Variants in NLGN4X observed in about 807,000 individuals in gnomAD.
NLGN4X encodes neuroligin-4, X-linked.
Under a neutral mutation model 40.3 loss-of-function variants are expected in NLGN4X, and 3 were observed. The observed-to-expected ratio is 0.07, with a 90% confidence interval of 0.03 to 0.19. The LOEUF is 0.19. Ranked by LOEUF, NLGN4X falls within the 10% of genes least tolerant of loss-of-function variation. The pLI is 1.00. For missense variants in NLGN4X, 382 were observed against 708.3 expected (o/e 0.54, Z 5.23); for synonymous variants, 270 against 306.8 (o/e 0.88, Z 1.25).
intron 2 of NLGN4X, among the ~76,000 whole-genome samples, chrX:6,148,136 C>T (rs973185116): frequency 8.9e-6 from 1 of 112,332 alleles, no homozygotes; most frequent in Non-Finnish European, 1.9e-5. Context: ...AGGATAAGTA[C>T]GTATCTAAAA....
intron 1 of NLGN4X, among the ~76,000 whole-genome samples, chrX:6,173,061 C>G (rs1316622084): frequency 8.9e-6 from 1 of 112,250 alleles, no homozygotes; most frequent in Non-Finnish European, 1.9e-5. Flanking sequence ...AGGACAGATA[C>G]GGAGTCTGGG....
At chrX:6,021,001 T>TC in intron 3 of NLGN4X, among the ~76,000 whole-genome samples, 1 of 43,505 alleles carries the variant, frequency 2.3e-5, no homozygotes, top group Non-Finnish European at 4.2e-5. Flanking sequence ...CCTTCCTTCT[T>TC]TTCTCTCTCT....
At position 6,088,444 on chromosome X, in the gene NLGN4X, A is replaced by G. The variant is rs747271633; in HGVS notation, c.473-59012T>C. On this transcript the variant is annotated intron_variant, in intron 2 of 5. Coordinates refer to ENST00000381095, the MANE Select transcript of NLGN4X (RefSeq NM_181332.3). The stretch of plus-strand genomic sequence containing the variant: ...CTCTGGAGAGCTTGTTCTTCTCCGC[A>G]TTTATTCAGTAACAGCAGTTTGTAA... 1.3e-4 allele frequency among the ~76,000 whole-genome samples: 14 copies of G among 111,992 alleles called. No homozygotes were observed. The East Asian group carries it at 3.4e-3, about 27-fold the overall frequency.
At chrX:5,908,528 A>G (rs1349060702) in intron 4 of NLGN4X, among the ~76,000 whole-genome samples, 1 of 111,843 alleles carries the variant, frequency 8.9e-6, no homozygotes, top group Non-Finnish European at 1.9e-5. Context: ...ATGGCAAAAA[A>G]AAACAAAAGT....
intron 3 of NLGN4X, among the ~76,000 whole-genome samples, chrX:5,932,963 GCC>G (rs2033604478): frequency 9.0e-6 from 1 of 111,197 alleles, no homozygotes; most frequent in Non-Finnish European, 1.9e-5. Context: ...AATTCTAATA[GCC>G]TTCAGAGAGA....
At chrX:5,998,523 G>A (rs914672390) in intron 3 of NLGN4X, among the ~76,000 whole-genome samples, 4 of 111,616 alleles carry the variant, frequency 3.6e-5, no homozygotes, top group Non-Finnish European at 7.5e-5. Flanking sequence ...AGCACCATGT[G>A]TATGAAACAC....
chrX:6,119,019 C>T (rs962304352), intron 2 of NLGN4X, among the ~76,000 whole-genome samples: 3 of 112,118 alleles, frequency 2.7e-5, no homozygotes, highest in South Asian at 7.4e-4. Flanking sequence ...GGGTCCATTC[C>T]TATTATTCCT....
At chrX:6,227,396 C>T (rs1015298128) in intron 1 of NLGN4X, among the ~76,000 whole-genome samples, 1 of 109,193 alleles carries the variant, frequency 9.2e-6, no homozygotes, top group Non-Finnish European at 1.9e-5. Flanking sequence ...GGCTCCAGAT[C>T]CCCCGAGACC....
intron 3 of NLGN4X, among the ~76,000 whole-genome samples, chrX:5,927,981 A>G (rs1175225522): frequency 8.9e-6 from 1 of 111,995 alleles, no homozygotes; most frequent in African/African-American, 3.2e-5. Flanking sequence ...TTTGGGGCTC[A>G]CTGATTAGTG....
intron 3 of NLGN4X, among the ~76,000 whole-genome samples, chrX:5,959,501 G>C (rs980601472): frequency 2.7e-5 from 3 of 112,136 alleles, no homozygotes; most frequent in Admixed American, 9.5e-5. Flanking sequence ...ACAAAAGGCT[G>C]TGTGGATTGA....
chrX:6,174,594 T>C (rs2040681566), intron 1 of NLGN4X, among the ~76,000 whole-genome samples: 1 of 112,278 alleles, frequency 8.9e-6, no homozygotes, highest in Non-Finnish European at 1.9e-5. Flanking sequence ...ACATATGCAC[T>C]GTGGAATACT....
At chrX:6,104,325 A>C (rs2038987690) in intron 2 of NLGN4X, among the ~76,000 whole-genome samples, 1 of 112,174 alleles carries the variant, frequency 8.9e-6, no homozygotes, top group South Asian at 3.7e-4. Flanking sequence ...TTGCTTCATA[A>C]TCTTCCCAAG....
At chrX:6,056,368 C>T (rs750144003) in intron 2 of NLGN4X, among the ~76,000 whole-genome samples, 123 of 109,726 alleles carry the variant, frequency 1.1e-3, no homozygotes, top group African/African-American at 4.0e-3. Flanking sequence ...CCCAGCTACT[C>T]GGAAGGCTGA....
At chrX:6,134,340 G>A (rs2039763321) in intron 2 of NLGN4X, among the ~76,000 whole-genome samples, 1 of 111,733 alleles carries the variant, frequency 8.9e-6, no homozygotes, top group Non-Finnish European at 1.9e-5. Context: ...GTGCTCCTCT[G>A]TCTGTCTGAA....
At chrX:5,921,134 TATATATATATATAC>T (rs1311336075) in intron 3 of NLGN4X, among the ~76,000 whole-genome samples, 26 of 53,947 alleles carry the variant, frequency 4.8e-4, no homozygotes, top group South Asian at 1.3e-3. Flanking sequence ...AAGTATTTTT[TATATATATATATAC>T]ATATATATAT....
chrX:6,125,005 T>TAC (rs1368948613), intron 2 of NLGN4X, among the ~76,000 whole-genome samples: 3 of 111,900 alleles, frequency 2.7e-5, no homozygotes, highest in Non-Finnish European at 5.6e-5. Context: ...ACTAAACATA[T>TAC]ACACACACAC....
At chrX:6,103,062 C>G (rs1487388354) in intron 2 of NLGN4X, among the ~76,000 whole-genome samples, 2 of 111,770 alleles carry the variant, frequency 1.8e-5, no homozygotes, top group African/African-American at 6.5e-5. Flanking sequence ...GTATGCAATG[C>G]TCAGCCCGTG....
At chrX:5,977,523 CTTA>C (rs1419988050) in intron 3 of NLGN4X, among the ~76,000 whole-genome samples, 1 of 111,086 alleles carries the variant, frequency 9.0e-6, no homozygotes, top group Non-Finnish European at 1.9e-5. Context: ...TGTCCAGCCA[CTTA>C]TTATTAATTA....
chrX:5,978,848 G>C (rs1335642941), intron 3 of NLGN4X, among the ~76,000 whole-genome samples: 1 of 111,831 alleles, frequency 8.9e-6, no homozygotes, highest in Non-Finnish European at 1.9e-5. Context: ...GCATGCACCT[G>C]TAGTCCCAGC....
Sources: allele counts gnomAD v4.1 joint callset (sites outside exome capture counted in the v4.1 genomes callset), GRCh38; gene constraint gnomAD v4.1.1; transcripts MANE v1.5; gene names NCBI Gene and HGNC (gene_info 2026-07-23, HGNC 2026-07-21).